URB1: variants seen among roughly 807,000 people sequenced by gnomAD.
URB1 encodes the protein nucleolar pre-ribosomal-associated protein 1.
In URB1, 197 loss-of-function variants were observed where a neutral mutation model predicts 242.3. The observed-to-expected ratio is 0.81, with a 90% CI of 0.72 to 0.91. The LOEUF (loss-of-function observed/expected upper bound fraction) is 0.91. Among genes scored for constraint, URB1 ranks in the 40% least tolerant of loss-of-function variants. The pLI is 0.00. For synonymous variants in URB1, 1,153 were observed against 1,201.8 expected, an observed-to-expected ratio of 0.96 and a Z score of 0.84; for missense variants, 2,721 against 2,860.5, an observed-to-expected ratio of 0.95 and a Z score of 1.11.
chr21:32,377,201 C>T (rs2033468859), intron 5 of URB1: 1 of 518,938 alleles, frequency 1.9e-6, no homozygotes, highest in African/African-American at 1.9e-5. Context: ...GTGCAACCCA[C>T]TTCAGTGCCA....
At chr21:32,383,656 C>G in intron 3 of URB1, 102 bp from the exon 4 acceptor site, 1 of 1,256,016 alleles carries the variant, frequency 8.0e-7, no homozygotes, top group Non-Finnish European at 1.0e-6. Context: ...TATTTGCTAT[C>G]CCCAAACCAG....
chr21:32,345,381 G>A lies in URB1; in HGVS notation c.4063C>T (p.His1355Tyr). Residue 1355 changes from histidine (H) to tyrosine (Y), a missense_variant, in exon 23 of 39, where the codon CAC becomes TAC. Coordinates refer to ENST00000382751, the MANE Select transcript of URB1 (RefSeq NM_014825.3). ...LPSLLHTPSS[H>Y]KRWIVADSIS... ...CAACCTGAGCCTTCATACCTCTTGTGACTGCTTGGGGTGTGAAGCAAGCTG... is the reference window on the plus strand; with the variant it reads ...CAACCTGAGCCTTCATACCTCTTGTAACTGCTTGGGGTGTGAAGCAAGCTG... 1 of 1,551,248 alleles carries A rather than the reference G, an allele frequency of 6.4e-7. No homozygotes were observed.
At chr21:32,377,763 C>T (rs2033475725) in intron 5 of URB1, among the ~76,000 whole-genome samples, 1 of 152,170 alleles carries the variant, frequency 6.6e-6, no homozygotes. Flanking sequence ...ACCCTGAGTA[C>T]AGCACCCTGC....
Position 32,316,670 on chromosome 21 carries a change from C to T in URB1, c.6430G>A (p.Ala2144Thr). 1 of 1,551,420 alleles carries T rather than the reference C, an allele frequency of 6.4e-7. No homozygotes were observed. The highest frequency in any genetic ancestry group is 8.7e-7 in the Non-Finnish European group (1 of 1,146,898). The stretch of plus-strand genomic sequence containing the variant: ...AGCCTGAATATGCTGCTCCTCACGG[C>T]ACTGTCCTTAAGGAGGTCAGCCACG... Reference protein sequence around the residue: ...VVVADLLKDSAVRSSIFRLYS... With the variant: ...VVVADLLKDSTVRSSIFRLYS... The change falls in exon 38 of 39, where the codon GCC becomes ACC. Residue 2144 changes from alanine (A) to threonine (T), a missense_variant. Ala to Thr is a moderately conservative substitution (Grantham distance 58). Transcript: ENST00000382751.
Position 32,321,866 on chromosome 21 carries a change from G to A in URB1, c.5419C>T (p.Arg1807Trp), listed in dbSNP as rs1010434921. ...AGGATGATGTGGAAGATGCCACGCC[G>A]GGCACACAGTTCGTAGCACTGCTTG... ...RDKQCYELCA[R>W]RGIFHIILSF... The change falls in exon 34 of 39, where the codon CGG becomes TGG. Residue 1807 changes from arginine to tryptophan, a missense_variant. Arg to Trp is a moderately radical substitution (Grantham distance 101). Transcript: ENST00000382751. 7.7e-6 allele frequency: 12 copies of A among 1,551,598 alleles called. No individual in the cohort carries two copies. Among genetic ancestry groups the A allele is most frequent in the Middle Eastern group, 1.7e-4 (1 of 6,014 alleles).
Position 32,311,577 on chromosome 21 carries a change from A to G in URB1, c.*3341T>C, listed in dbSNP as rs1175675916. On this transcript the variant is annotated 3_prime_UTR_variant, in exon 39 of 39. Coordinates refer to ENST00000382751, the MANE Select transcript of URB1 (RefSeq NM_014825.3). ...GGAATTTGCCTGTGTGGCCTTCCCT[A>G]TGGGGTCCGGGCAGATGGCAGGTGT... The G allele has an allele frequency of 6.0e-6, 9 of 1,492,706 alleles. No homozygotes were observed. The highest frequency in any genetic ancestry group is 1.4e-5 in the African/African-American group (1 of 71,576). The allele number at this position is 1,492,706 out of a possible 1,614,324, so 92.5% of individuals were successfully genotyped here.
At chr21:32,390,137 C>G (rs932521083) in intron 1 of URB1, among the ~76,000 whole-genome samples, 1 of 152,202 alleles carries the variant, frequency 6.6e-6, no homozygotes, top group Non-Finnish European at 1.5e-5. Flanking sequence ...CCCATTGACT[C>G]AGCTTTGCCC....
chr21:32,333,101 A>T (rs1400385408), intron 30 of URB1: 1 of 519,478 alleles, frequency 1.9e-6, no homozygotes. Flanking sequence ...TTAAAATTAC[A>T]ATTTTTTTTT....
chr21:32,355,506 C>G lies in URB1; in HGVS notation c.2049G>C (p.Glu683Asp). 1 of 1,551,816 alleles carries G rather than the reference C, an allele frequency of 6.4e-7. No individual in the cohort carries two copies. The highest frequency in any genetic ancestry group is 8.7e-7 in the Non-Finnish European group (1 of 1,147,008). The change falls in exon 16 of 39, where the codon GAG (glutamate) becomes GAC (aspartate). Residue 683 changes from glutamate to aspartate, a missense_variant. Glu to Asp is a conservative substitution (Grantham distance 45, BLOSUM62 2). Coordinates refer to ENST00000382751, the MANE Select transcript of URB1 (RefSeq NM_014825.3). ...HTWKELELWLEHLENTMEEDK... is the reference protein window; with the variant it reads ...HTWKELELWLDHLENTMEEDK... Reference sequence around the variant, plus strand: ...CCTCTTCCATGGTGTTCTCTAAATGCTCCAGCCAGAGCTCCAGCTCCTTCC... The same window carrying G: ...CCTCTTCCATGGTGTTCTCTAAATGGTCCAGCCAGAGCTCCAGCTCCTTCC...
chr21:32,331,889 C>A (rs898362795), intron 30 of URB1, among the ~76,000 whole-genome samples: 1 of 152,224 alleles, frequency 6.6e-6, no homozygotes, highest in East Asian at 1.9e-4. Flanking sequence ...TGGGCAGTGA[C>A]AGTACACTCC....
intron 24 of URB1, among the ~76,000 whole-genome samples, chr21:32,344,095 T>C (rs1448631155): frequency 6.6e-6 from 1 of 152,226 alleles, no homozygotes; most frequent in East Asian, 1.9e-4. Context: ...CATTACTTAA[T>C]CCTTAAGACC....
chr21:32,374,354 T>G (rs147679910), intron 6 of URB1, among the ~76,000 whole-genome samples: 1 of 152,168 alleles, frequency 6.6e-6, no homozygotes. Flanking sequence ...AGAATCCCTA[T>G]GGGTGTGGCC....
At chr21:32,363,922 CT>C (rs2033317313) in intron 10 of URB1, among the ~76,000 whole-genome samples, 1 of 151,922 alleles carries the variant, frequency 6.6e-6, no homozygotes, top group South Asian at 2.1e-4. Context: ...TCCCAAAGCA[CT>C]GGGATTATGA....
rs77293699 is a variant in URB1 at position 32,372,604 on chromosome 21, T to C, written c.904A>G (p.Met302Val). 1,422 of 1,550,764 alleles carry C rather than the reference T, an allele frequency of 9.2e-4. 10 individuals are homozygous for C. In the African/African-American group the frequency reaches 9.2e-3, roughly 10 times the overall value. ...AAGTTATGAACAAGCTCCCGCACCA[T>C]GGTTTTCCCTGCTTCTTCGGCAGAA... ...KVSAEEAGKT[M>V]VRELVHNFLM... Residue 302 changes from methionine (M) to valine (V), a missense_variant, in exon 8 of 39, where the codon ATG becomes GTG. Coordinates refer to ENST00000382751, the MANE Select transcript of URB1 (RefSeq NM_014825.3).
At chr21:32,368,926 C>T (rs2033376490) in intron 8 of URB1, among the ~76,000 whole-genome samples, 1 of 152,146 alleles carries the variant, frequency 6.6e-6, no homozygotes, top group Non-Finnish European at 1.5e-5. Flanking sequence ...CCTCAGCCAC[C>T]TACCAGTCTG....
intron 24 of URB1, among the ~76,000 whole-genome samples, 153 bp from the exon 25 acceptor site, chr21:32,341,677 C>G (rs1481044984): frequency 1.3e-5 from 2 of 152,188 alleles, no homozygotes; most frequent in African/African-American, 2.4e-5. Flanking sequence ...AAAAGAGGAG[C>G]GCTGGTGTCC....
At chr21:32,336,624 CAT>C (rs1401527298) in intron 28 of URB1, among the ~76,000 whole-genome samples, 8 of 152,162 alleles carry the variant, frequency 5.3e-5, no homozygotes, top group Non-Finnish European at 1.2e-4. Flanking sequence ...GAAAGACAGA[CAT>C]GTACACCCAC....
chr21:32,345,614 T>A (rs1240350233), intron 22 of URB1, 39 bp from the exon 23 acceptor site: 1 of 1,498,546 alleles, frequency 6.7e-7, no homozygotes, highest in African/African-American at 1.4e-5. Flanking sequence ...TCACACCCAA[T>A]GGTGGGCTGC....
At chr21:32,358,201 C>CA (rs1355992727) in intron 14 of URB1, among the ~76,000 whole-genome samples, 5 of 152,148 alleles carry the variant, frequency 3.3e-5, no homozygotes, top group Non-Finnish European at 5.9e-5. Flanking sequence ...GCCCAGCTTA[C>CA]ACTGACTCAC....
Sources: allele counts gnomAD v4.1 joint callset (sites outside exome capture counted in the v4.1 genomes callset), GRCh38; gene constraint gnomAD v4.1.1; transcripts MANE v1.5; gene names NCBI Gene and HGNC (gene_info 2026-07-23, HGNC 2026-07-21).